TFEC: variants seen among roughly 807,000 people sequenced by gnomAD.
TFEC encodes transcription factor EC.
In TFEC, 31 loss-of-function variants were observed where a neutral mutation model predicts 41.6. The observed-to-expected ratio is 0.74, with a 90% CI of 0.56 to 1.01. TFEC has a LOEUF of 1.01. TFEC is among the 50% of genes least tolerant of loss of function. The pLI, the probability that TFEC is intolerant of heterozygous loss-of-function variation, is 0.00. For missense variants in TFEC, 402 were observed against 404.1 expected, an observed-to-expected ratio of 0.99 and a Z score of 0.04; for synonymous variants, 143 against 140.6, an observed-to-expected ratio of 1.02 and a Z score of -0.12.
intron 1 of TFEC, among the ~76,000 whole-genome samples, chr7:116,010,455 G>C (rs889444537): frequency 6.6e-6 from 1 of 152,180 alleles, no homozygotes; most frequent in African/African-American, 2.4e-5. Flanking sequence ...CCTTTACTGA[G>C]AAGACTGGTG....
intron 3 of TFEC, among the ~76,000 whole-genome samples, chr7:116,039,961 T>A (rs1795997757): frequency 1.3e-5 from 2 of 152,078 alleles, no homozygotes; most frequent in African/African-American, 4.8e-5. Flanking sequence ...CTGGGGTAAG[T>A]TTCCCTTGTT....
intron 3 of TFEC, among the ~76,000 whole-genome samples, chr7:116,056,598 C>T (rs943590008): frequency 1.5e-4 from 23 of 152,034 alleles, no homozygotes; most frequent in African/African-American, 4.6e-4. Context: ...AGAAAGATCT[C>T]GCCTCAATCA....
chr7:116,040,522 T>C (rs924776182), intron 3 of TFEC, among the ~76,000 whole-genome samples: 1 of 152,212 alleles, frequency 6.6e-6, no homozygotes, highest in Non-Finnish European at 1.5e-5. Flanking sequence ...ATATTTGATA[T>C]TTTAATATTA....
chr7:116,105,148 A>G (rs1261259291), intron 3 of TFEC, among the ~76,000 whole-genome samples: 1 of 152,178 alleles, frequency 6.6e-6, no homozygotes, highest in East Asian at 1.9e-4. Context: ...AGAAGTTTCT[A>G]GAAGACCAAG....
At chr7:115,961,853 G>A (rs577765499) in intron 3 of TFEC, among the ~76,000 whole-genome samples, 2 of 151,744 alleles carry the variant, frequency 1.3e-5, no homozygotes, top group South Asian at 2.1e-4. Context: ...ATCCATATTG[G>A]AAAGGAATAA....
chr7:116,081,562 G>C (rs538250048), intron 3 of TFEC, among the ~76,000 whole-genome samples: 1 of 152,144 alleles, frequency 6.6e-6, no homozygotes, highest in East Asian at 1.9e-4. Flanking sequence ...TTTCCAGCAA[G>C]AGCTGCCGCT....
At chr7:116,105,152 G>A (rs1797687662) in intron 3 of TFEC, among the ~76,000 whole-genome samples, 1 of 152,094 alleles carries the variant, frequency 6.6e-6, no homozygotes, top group Admixed American at 6.6e-5. Context: ...GTTTCTAGAA[G>A]ACCAAGAAAT....
intron 3 of TFEC, among the ~76,000 whole-genome samples, chr7:116,062,392 C>G (rs959983128): frequency 2.0e-5 from 3 of 149,934 alleles, no homozygotes; most frequent in African/African-American, 7.3e-5. Context: ...ACCATTGTAT[C>G]ATTCTTATGC....
At position 115,936,408 on chromosome 7, in the gene TFEC, T is replaced by C. The variant is rs1482811696; in HGVS notation, c.*4143A>G. 1.3e-5 allele frequency: 2 copies of C among 151,624 alleles called. No individual in the cohort carries two copies. Among genetic ancestry groups the C allele is most frequent in the Non-Finnish European group, 3.0e-5 (2 of 67,626 alleles). 9.4% of individuals were successfully genotyped at this position (151,624 alleles called of 1,614,324 possible). ...GGGTGTCTTTAAGAAACCCAGATGG[T>C]TGATCTTGCGCTGATAACACAGTGA... On this transcript the variant is annotated 3_prime_UTR_variant, in exon 8 of 8. Coordinates refer to ENST00000265440, the MANE Select transcript of TFEC (RefSeq NM_012252.4).
Position 115,941,921 on chromosome 7 carries a change from G to T in TFEC, c.635C>A (p.Ala212Asp), listed in dbSNP as rs1469091535. ...LEHRQKKLEQ[A>D]NRRLLLRIQE... ...AATCCGAAGTAGAAGTCGCCTGTTAGCCTGCTCTAATTTCTTCTGTCTGTG... is the reference window on the plus strand; with the variant it reads ...AATCCGAAGTAGAAGTCGCCTGTTATCCTGCTCTAATTTCTTCTGTCTGTG... Residue 212 changes from alanine to aspartate, a missense_variant, in exon 7 of 8, where the codon GCT becomes GAT. Transcript: ENST00000265440. 1.9e-6 allele frequency: 3 copies of T among 1,613,028 alleles called. No homozygotes were observed. The highest frequency in any genetic ancestry group is 1.7e-5 in the Admixed American group (1 of 59,864).
chr7:115,973,082 A>T (rs1442989116), intron 3 of TFEC, among the ~76,000 whole-genome samples: 1 of 149,652 alleles, frequency 6.7e-6, no homozygotes, highest in East Asian at 2.2e-4. Context: ...TTCTATATTT[A>T]AAAAAATGAA....
rs529198352 is a variant in TFEC, at chr7:116,106,372, T to TTTTG, written c.198+4332_198+4335dup. 2.8e-3 allele frequency among the ~76,000 whole-genome samples: 429 copies of TTTTG among 152,032 alleles called. 1 individual carries two copies. Among genetic ancestry groups the TTTTG allele is most frequent in the Middle Eastern group, 0.01 (3 of 292 alleles). On this transcript the variant is annotated intron_variant, in intron 3 of 8. Transcript: ENST00000484212. ...TGACTGATGACTTCAGTTTTTTGTT[T>TTTTG]TTTGTTTGTTTGTTTGTTTGTTTGT...
At chr7:115,975,474 T>A (rs1426258670) in intron 2 of TFEC, among the ~76,000 whole-genome samples, 1 of 152,108 alleles carries the variant, frequency 6.6e-6, no homozygotes, top group Admixed American at 6.6e-5. Flanking sequence ...GAGAATTGAG[T>A]GTTCGGAGAA....
rs192827890 is a variant in TFEC at position 116,103,121 on chromosome 7, A to C, written c.198+7587T>G. Among the ~76,000 whole-genome samples, 7 of 152,308 alleles carry C rather than the reference A, an allele frequency of 4.6e-5. 1 individual carries two copies. The highest frequency in any genetic ancestry group is 3.9e-4 in the Admixed American group (6 of 15,284). ...CAGGCATGGTAATAACGATTACCTG[A>C]AACTGGCAGAACATTTTCAGGGAGA... On this transcript the variant is annotated intron_variant, in intron 3 of 8. Coordinates refer to the TFEC transcript ENST00000484212.
chr7:116,101,951 T>C (rs976770423), intron 3 of TFEC, among the ~76,000 whole-genome samples: 5 of 152,214 alleles, frequency 3.3e-5, no homozygotes, highest in African/African-American at 9.6e-5. Flanking sequence ...AACCATTGCT[T>C]ACTAGTATCC....
upstream of TFEC, among the ~76,000 whole-genome samples, chr7:116,032,677 A>G (rs1328672774): frequency 6.6e-6 from 1 of 152,048 alleles, no homozygotes; most frequent in East Asian, 1.9e-4. Flanking sequence ...ACTGGGGCCT[A>G]TCAGAGGGTG....
Position 116,057,845 on chromosome 7 carries a change from C to A in TFEC, c.198+52863G>T, listed in dbSNP as rs556633601. Among the ~76,000 whole-genome samples, 24 of 151,374 alleles carry A rather than the reference C, an allele frequency of 1.6e-4. No individual in the cohort carries two copies. The South Asian group carries it at 5.0e-3, about 32-fold the overall frequency. ...GAAAAATTGTGGTAAGTTAAAGAACCCTAAAGCAACCATTGAGATAGCTAA... is the reference window on the plus strand; with the variant it reads ...GAAAAATTGTGGTAAGTTAAAGAACACTAAAGCAACCATTGAGATAGCTAA... On this transcript the variant is annotated intron_variant, in intron 3 of 8. Coordinates refer to the TFEC transcript ENST00000484212.
intron 3 of TFEC, among the ~76,000 whole-genome samples, chr7:116,102,156 G>A (rs1486241193): frequency 6.6e-6 from 1 of 152,146 alleles, no homozygotes; most frequent in Non-Finnish European, 1.5e-5. Context: ...TCTAACTATA[G>A]TCTAGCTTAG....
intron 3 of TFEC, among the ~76,000 whole-genome samples, chr7:116,101,275 T>C (rs1438090070): frequency 2.2e-5 from 3 of 137,152 alleles, no homozygotes; most frequent in African/African-American, 8.3e-5. Flanking sequence ...CAAAGGACAA[T>C]TGAGATGGGA....
Sources: allele counts gnomAD v4.1 joint callset (sites outside exome capture counted in the v4.1 genomes callset), GRCh38; gene constraint gnomAD v4.1.1; transcripts MANE v1.5; gene names NCBI Gene and HGNC (gene_info 2026-07-23, HGNC 2026-07-21).